The following TNKS variants were observed in gnomAD, a reference collection of about 807,000 sequenced individuals.
TNKS encodes poly [ADP-ribose] polymerase tankyrase-1.
A neutral mutation model predicts 135.8 loss-of-function variants in TNKS; 72 were observed. That is an observed-to-expected ratio of 0.53 (90% CI 0.44 to 0.64). The LOEUF (loss-of-function observed/expected upper bound fraction) is 0.64. Among genes scored for constraint, TNKS ranks in the 30% least tolerant of loss-of-function variants. TNKS has a pLI of 0.00. For missense variants in TNKS, 1,769 were observed against 1,674.0 expected (o/e 1.06, Z -0.99); for synonymous variants, 849 against 649.3 (o/e 1.31, Z -4.68).
chr8:9,734,842 C>G, intron 15 of TNKS, 23 bp from the exon 16 acceptor site: 1 of 1,595,090 alleles, frequency 6.3e-7, no homozygotes, highest in East Asian at 2.2e-5. Context: ...ATACAAACCC[C>G]ATTTGGTTTT....
intron 14 of TNKS, among the ~76,000 whole-genome samples, chr8:9,731,437 G>C (rs1805432193): frequency 7.7e-6 from 1 of 130,490 alleles, no homozygotes; most frequent in African/African-American, 2.8e-5. Context: ...TCCAGCTTGG[G>C]CAACAAGAGC....
At chr8:9,589,827 A>G (rs144632168) in intron 2 of TNKS, among the ~76,000 whole-genome samples, 3 of 152,362 alleles carry the variant, frequency 2.0e-5, no homozygotes, top group East Asian at 3.9e-4. Flanking sequence ...CATGCCTTCA[A>G]CGAAGATCTT....
intron 3 of TNKS, among the ~76,000 whole-genome samples, chr8:9,630,801 A>G (rs1016409403): frequency 1.3e-5 from 2 of 152,238 alleles, no homozygotes; most frequent in African/African-American, 4.8e-5. Context: ...TAACATATCA[A>G]GAAAGAGATT....
In TNKS at chr8:9,704,555, G is replaced by A. The variant is rs142930452; in HGVS notation, c.1108-108G>A. ...AAATGTGAATTTTTGACATTTCAGC[G>A]CAGTATTTTTGTGTCAACTTTCATT... On this transcript the variant is annotated intron_variant, in intron 5 of 26. Coordinates refer to ENST00000310430, the MANE Select transcript of TNKS (RefSeq NM_003747.3). The A allele has an allele frequency of 5.2e-4, 431 of 836,024 alleles. 2 individuals carry two copies. In the Middle Eastern group the frequency reaches 5.8e-3, roughly 11 times the overall value. The allele number at this position is 836,024 out of a possible 1,614,324, so 51.8% of individuals were successfully genotyped here. A position where few individuals can be genotyped will look rare whatever the true frequency, so the allele number is the denominator to read the frequency against.
intron 11 of TNKS, among the ~76,000 whole-genome samples, chr8:9,720,099 C>A (rs751869682): frequency 6.6e-6 from 1 of 152,048 alleles, no homozygotes; most frequent in Admixed American, 6.5e-5. Context: ...CCAGTCTAGT[C>A]GTCGAAGGGA....
intron 2 of TNKS, among the ~76,000 whole-genome samples, chr8:9,611,220 T>C (rs761341732): frequency 1.3e-5 from 2 of 152,210 alleles, no homozygotes; most frequent in Non-Finnish European, 2.9e-5. Flanking sequence ...AGAAATCACT[T>C]ACTCTCTGGA....
chr8:9,638,573 G>C (rs896583209), intron 3 of TNKS, among the ~76,000 whole-genome samples: 2 of 152,148 alleles, frequency 1.3e-5, no homozygotes, highest in Non-Finnish European at 2.9e-5. Context: ...GTTTCTGAAA[G>C]AAAAGAGAAT....
At chr8:9,578,796 A>G (rs774519134) in intron 1 of TNKS, among the ~76,000 whole-genome samples, 8 of 152,228 alleles carry the variant, frequency 5.3e-5, no homozygotes, top group African/African-American at 1.9e-4. Flanking sequence ...ATACCTAGTT[A>G]ATAAGACCTA....
chr8:9,714,715 C>T (rs1449957438), intron 11 of TNKS, among the ~76,000 whole-genome samples: 1 of 152,054 alleles, frequency 6.6e-6, no homozygotes, highest in East Asian at 1.9e-4. Flanking sequence ...AATTATATTA[C>T]CTGGAAATGA....
chr8:9,736,502 C>T (rs1024040637), intron 17 of TNKS, among the ~76,000 whole-genome samples: 1 of 151,490 alleles, frequency 6.6e-6, no homozygotes, highest in Non-Finnish European at 1.5e-5. Flanking sequence ...ATGGTAATGC[C>T]TAGGTTTTCT....
chr8:9,775,021 C>T (rs944625024), intron 26 of TNKS, among the ~76,000 whole-genome samples: 1 of 152,180 alleles, frequency 6.6e-6, no homozygotes, highest in Non-Finnish European at 1.5e-5. Flanking sequence ...GCAGGGTCCA[C>T]ATCTCACACC....
intron 3 of TNKS, among the ~76,000 whole-genome samples, chr8:9,623,838 C>T (rs1799956475): frequency 6.6e-6 from 1 of 151,974 alleles, no homozygotes; most frequent in Admixed American, 6.6e-5. Flanking sequence ...CCCGTCTCTA[C>T]CAAAAATACA....
intron 8 of TNKS, among the ~76,000 whole-genome samples, 181 bp from the exon 9 acceptor site, chr8:9,708,190 A>G (rs1804141839): frequency 6.6e-6 from 1 of 152,198 alleles, no homozygotes; most frequent in Non-Finnish European, 1.5e-5. Context: ...CAGAGCATAC[A>G]TACTTCACAT....
intron 3 of TNKS, among the ~76,000 whole-genome samples, chr8:9,663,520 C>G (rs1801836400): frequency 6.6e-6 from 1 of 152,162 alleles, no homozygotes; most frequent in Non-Finnish European, 1.5e-5. Flanking sequence ...TAATTTGATT[C>G]TGTTCTAACA....
intron 11 of TNKS, among the ~76,000 whole-genome samples, chr8:9,714,331 T>C (rs1385920964): frequency 7.0e-5 from 1 of 14,378 alleles, no homozygotes; most frequent in Non-Finnish European, 1.8e-4. Context: ...CCCTACAGGC[T>C]TTTTTTTTTT....
At chr8:9,758,077 C>T (rs1806938604) in intron 20 of TNKS, among the ~76,000 whole-genome samples, 1 of 152,168 alleles carries the variant, frequency 6.6e-6, no homozygotes, top group African/African-American at 2.4e-5. Flanking sequence ...CTTCTGTGTA[C>T]TATTTTTATG....
chr8:9,593,774 C>T (rs540056977), intron 2 of TNKS, among the ~76,000 whole-genome samples: 2 of 152,092 alleles, frequency 1.3e-5, no homozygotes, highest in Non-Finnish European at 2.9e-5. Context: ...AGTTAACATC[C>T]TGGAACTTGG....
At chr8:9,706,772 A>C (rs765061772) in intron 7 of TNKS, 39 bp from the exon 8 acceptor site, 12 of 1,553,396 alleles carry the variant, frequency 7.7e-6, no homozygotes, top group Non-Finnish European at 8.7e-6. Flanking sequence ...GATCCAGCAA[A>C]ATGATTACTG....
intron 3 of TNKS, among the ~76,000 whole-genome samples, chr8:9,663,210 G>A (rs1259683654): frequency 6.6e-6 from 1 of 152,188 alleles, no homozygotes; most frequent in African/African-American, 2.4e-5. Context: ...CTCCAGAACT[G>A]TGTGGGAATA....
Sources: allele counts gnomAD v4.1 joint callset (sites outside exome capture counted in the v4.1 genomes callset), GRCh38; gene constraint gnomAD v4.1.1; transcripts MANE v1.5; gene names NCBI Gene and HGNC (gene_info 2026-07-23, HGNC 2026-07-21).